The following SEMA6D variants were observed in gnomAD, a reference collection of about 807,000 sequenced individuals.
SEMA6D encodes semaphorin-6D.
Under a neutral mutation model 106.6 loss-of-function variants are expected in SEMA6D, and 35 were observed. That is an observed-to-expected ratio of 0.33 (90% confidence interval 0.25 to 0.44). SEMA6D has a LOEUF of 0.44. Ranked by LOEUF, SEMA6D falls within the 20% of genes least tolerant of loss-of-function variation. The pLI is 1.00. For synonymous variants in SEMA6D, 499 were observed against 487.7 expected, an observed-to-expected ratio of 1.02 and a Z score of -0.31; for missense variants, 1,185 against 1,345.9, an observed-to-expected ratio of 0.88 and a Z score of 1.87.
intron 1 of SEMA6D, among the ~76,000 whole-genome samples, chr15:47,747,943 T>C (rs2147239732): frequency 6.6e-6 from 1 of 152,352 alleles, no homozygotes. Context: ...TCTCTGCCAG[T>C]CCCATATATC....
intron 4 of SEMA6D, among the ~76,000 whole-genome samples, chr15:47,685,427 T>A (rs903236533): frequency 3.3e-5 from 5 of 152,058 alleles, no homozygotes; most frequent in Admixed American, 1.3e-4. Flanking sequence ...GCAAACAGAG[T>A]TGATGGCCTG....
chr15:47,487,601 C>T (rs528842239), intron 3 of SEMA6D, among the ~76,000 whole-genome samples: 1 of 152,132 alleles, frequency 6.6e-6, no homozygotes, highest in African/African-American at 2.4e-5. Flanking sequence ...CTATATGTCA[C>T]TTTTCTATGT....
intron 3 of SEMA6D, among the ~76,000 whole-genome samples, chr15:47,598,581 A>G (rs1014913221): frequency 3.9e-5 from 6 of 152,162 alleles, no homozygotes; most frequent in African/African-American, 1.4e-4. Flanking sequence ...TGATTCCTAC[A>G]TTAGTTCATC....
At chr15:47,641,409 C>G (rs549908370) in intron 4 of SEMA6D, among the ~76,000 whole-genome samples, 1 of 152,278 alleles carries the variant, frequency 6.6e-6, no homozygotes, top group African/African-American at 2.4e-5. Flanking sequence ...GTCTCCCTCT[C>G]TCTCTCACAC....
chr15:47,301,406 ATCTGGGGCT>A (rs11277553), intron 1 of SEMA6D, among the ~76,000 whole-genome samples: 131,994 of 151,854 alleles, frequency 0.87, 59,029 homozygotes, highest in East Asian at 1. Flanking sequence ...GTGTTGGGGC[ATCTGGGGCT>A]TAACACCAGG....
chr15:47,471,927 T>TGTCA (rs1555445487), intron 3 of SEMA6D, among the ~76,000 whole-genome samples: 24 of 114,010 alleles, frequency 2.1e-4, no homozygotes, highest in African/African-American at 7.5e-4. Context: ...TCTCTCTCTC[T>TGTCA]CTCTCACACA....
At chr15:47,596,323 G>C (rs1009374875) in intron 3 of SEMA6D, among the ~76,000 whole-genome samples, 2 of 151,864 alleles carry the variant, frequency 1.3e-5, no homozygotes, top group African/African-American at 2.4e-5. Context: ...TTCATGCCTT[G>C]GAAAAATTAA....
At chr15:47,356,096 CTT>C (rs1168806932) in intron 1 of SEMA6D, among the ~76,000 whole-genome samples, 2 of 152,320 alleles carry the variant, frequency 1.3e-5, no homozygotes, top group East Asian at 3.9e-4. Context: ...AGTCTTCCCT[CTT>C]TTGTTTTTTC....
At chr15:47,622,187 A>C (rs2077115188) in intron 4 of SEMA6D, among the ~76,000 whole-genome samples, 1 of 147,324 alleles carries the variant, frequency 6.8e-6, no homozygotes, top group South Asian at 2.2e-4. Flanking sequence ...ATGCATATGC[A>C]GGTGAAACCC....
rs971382843 is a variant in SEMA6D at position 47,677,847 on chromosome 15, C to T, written c.-55+76951C>T. 3.3e-5 allele frequency among the ~76,000 whole-genome samples: 5 copies of T among 152,100 alleles called. 1 individual carries two copies. Among genetic ancestry groups the T allele is most frequent in the Middle Eastern group, 6.3e-3 (2 of 316 alleles). On this transcript the variant is annotated intron_variant, in intron 4 of 19. Transcript: ENST00000558014. The stretch of plus-strand genomic sequence containing the variant: ...ATTGCTAGCAATTCTCATGATGTCG[C>T]TTTTAGACAGAGAATGTAAGAAATT...
intron 4 of SEMA6D, among the ~76,000 whole-genome samples, chr15:47,606,072 A>G (rs1016517245): frequency 3.9e-5 from 6 of 152,192 alleles, no homozygotes; most frequent in South Asian, 2.1e-4. Flanking sequence ...GAGTTGCCTC[A>G]TTAGAACACA....
chr15:47,770,440 A>G (rs957343173), intron 18 of SEMA6D, 57 bp from the exon 19 acceptor site: 5 of 1,412,404 alleles, frequency 3.5e-6, no homozygotes, highest in Non-Finnish European at 4.8e-6. Flanking sequence ...GCCATTTGCT[A>G]TTTATTATTA....
At chr15:47,255,075 G>A (rs912456243) in intron 1 of SEMA6D, among the ~76,000 whole-genome samples, 1 of 152,012 alleles carries the variant, frequency 6.6e-6, no homozygotes, top group East Asian at 1.9e-4. Flanking sequence ...TCAGGTTCTT[G>A]GCTTCTATTT....
chr15:47,602,280 A>G (rs1469638866), intron 4 of SEMA6D, among the ~76,000 whole-genome samples: 2 of 152,166 alleles, frequency 1.3e-5, no homozygotes, highest in African/African-American at 2.4e-5. Context: ...GCTCATGCTG[A>G]TGAAGGAAGT....
At chr15:47,425,732 AT>A (rs995929976) in intron 2 of SEMA6D, among the ~76,000 whole-genome samples, 4 of 149,206 alleles carry the variant, frequency 2.7e-5, no homozygotes, top group Non-Finnish European at 4.4e-5. Context: ...GTGCGGTGGC[AT>A]GATATCAGCT....
intron 2 of SEMA6D, among the ~76,000 whole-genome samples, chr15:47,413,078 C>T (rs16959422): frequency 0.039 from 5,983 of 152,132 alleles, 330 homozygotes; most frequent in African/African-American, 0.12. Flanking sequence ...AATTGTGTTA[C>T]TGGAAGTTCA....
chr15:47,612,038 C>T (rs2076916940), intron 4 of SEMA6D, among the ~76,000 whole-genome samples: 2 of 152,044 alleles, frequency 1.3e-5, no homozygotes, highest in Non-Finnish European at 2.9e-5. Context: ...TTGGCTTTAT[C>T]CTGAGTTTAG....
chr15:47,501,582 A>C (rs1295887948), intron 3 of SEMA6D, among the ~76,000 whole-genome samples: 1 of 152,184 alleles, frequency 6.6e-6, no homozygotes, highest in Non-Finnish European at 1.5e-5. Context: ...GCCCTTGCTT[A>C]ATATGTGGGA....
rs748795157 is a variant in SEMA6D, at chr15:47,771,821, G to T, written c.*36G>T. On this transcript the variant is annotated 3_prime_UTR_variant, in exon 19 of 19. Transcript: ENST00000536845. ...TGCTATTCCCATGTGGCTTTATCCT[G>T]TCCGTGTTGTTGAGAGGATGATGTT... The T allele has an allele frequency of 2.6e-6, 4 of 1,565,202 alleles. No individual in the cohort carries two copies. The highest frequency in any genetic ancestry group is 1.4e-5 in the African/African-American group (1 of 73,862).
Sources: allele counts gnomAD v4.1 joint callset (sites outside exome capture counted in the v4.1 genomes callset), GRCh38; gene constraint gnomAD v4.1.1; transcripts MANE v1.5; gene names NCBI Gene and HGNC (gene_info 2026-07-23, HGNC 2026-07-21).